Variants in UNC5D observed in about 807,000 individuals in gnomAD.
UNC5D encodes the protein unc-5 netrin receptor D.
UNC5D carries 39 observed loss-of-function variants against 105.4 expected under a neutral mutation model. That is an observed-to-expected ratio of 0.37 (90% CI 0.29 to 0.48). The LOEUF is 0.48. Ranked by LOEUF, UNC5D falls within the 20% of genes least tolerant of loss-of-function variation. The probability of loss-of-function intolerance (pLI) is 0.98; values close to 1 mark genes in which losing one functional copy is unlikely to be tolerated. For synonymous variants in UNC5D, 452 were observed against 450.4 expected (o/e 1.00, Z -0.04); for missense variants, 991 against 1,202.4 (o/e 0.82, Z 2.60).
intron 1 of UNC5D, among the ~76,000 whole-genome samples, chr8:35,515,143 T>G (rs1218260925): frequency 6.6e-6 from 1 of 152,232 alleles, no homozygotes; most frequent in Non-Finnish European, 1.5e-5. Flanking sequence ...GTTCTTCACC[T>G]TTATGTTGTA....
intron 4 of UNC5D, among the ~76,000 whole-genome samples, chr8:35,681,983 C>G (rs4739308): frequency 0.19 from 29,212 of 151,522 alleles, 6,956 homozygotes; most frequent in African/African-American, 0.56. Context: ...GGGGGAGGGG[C>G]GGACGGAGTC....
intron 10 of UNC5D, among the ~76,000 whole-genome samples, chr8:35,728,095 A>ATATATATATATATATATATATAT (rs1554596594): frequency 4.5e-5 from 5 of 110,352 alleles, no homozygotes; most frequent in Admixed American, 2.0e-4. Context: ...AAAAAAAAAA[A>ATATATATATATATATATATATAT]ATATATATAT....
intron 4 of UNC5D, among the ~76,000 whole-genome samples, chr8:35,620,042 T>C (rs1821263144): frequency 6.6e-6 from 1 of 152,166 alleles, no homozygotes; most frequent in East Asian, 1.9e-4. Flanking sequence ...TGCCCTTCCC[T>C]CATTCAGAAT....
intron 1 of UNC5D, among the ~76,000 whole-genome samples, chr8:35,390,060 G>T (rs1419952832): frequency 6.6e-6 from 1 of 152,134 alleles, no homozygotes; most frequent in African/African-American, 2.4e-5. Flanking sequence ...CAGCTTCTGG[G>T]GAGGCCTCGG....
chr8:35,316,705 C>A (rs891728894), intron 1 of UNC5D, among the ~76,000 whole-genome samples: 2 of 151,912 alleles, frequency 1.3e-5, no homozygotes, highest in Non-Finnish European at 2.9e-5. Flanking sequence ...CAGATTAAAT[C>A]GGGAGTATAA....
chr8:35,774,774 A>T (rs1802165415), intron 16 of UNC5D, among the ~76,000 whole-genome samples: 2 of 152,122 alleles, frequency 1.3e-5, no homozygotes, highest in South Asian at 4.1e-4. Flanking sequence ...TCCACAAAAA[A>T]TAATTAGCTG....
intron 1 of UNC5D, among the ~76,000 whole-genome samples, chr8:35,401,470 C>A (rs906200449): frequency 7.2e-5 from 11 of 152,192 alleles, no homozygotes; most frequent in African/African-American, 2.2e-4. Flanking sequence ...GACAACAGAG[C>A]AGGACTCCAT....
At chr8:35,554,195 T>C (rs555634639) in intron 2 of UNC5D, among the ~76,000 whole-genome samples, 1 of 152,346 alleles carries the variant, frequency 6.6e-6, no homozygotes, top group South Asian at 2.1e-4. Context: ...GCCTTTGGTC[T>C]TTCTGGTAAT....
chr8:35,248,832 T>G (rs1223155134), intron 1 of UNC5D, among the ~76,000 whole-genome samples: 1 of 91,744 alleles, frequency 1.1e-5, no homozygotes, highest in Non-Finnish European at 1.8e-5. Context: ...ATATTTATAT[T>G]TTAAAAATAT....
intron 4 of UNC5D, among the ~76,000 whole-genome samples, chr8:35,676,607 T>A (rs1825240030): frequency 6.6e-6 from 1 of 152,234 alleles, no homozygotes; most frequent in African/African-American, 2.4e-5. Flanking sequence ...TATTGTTAAA[T>A]AATTTCTGAA....
rs1806668361 is a variant in UNC5D at position 35,431,922 on chromosome 8, C to G, written c.104-117370C>G. Reference sequence around the variant, plus strand: ...GCAGAATGAGCCATTTGTTAAATGACAGAAACTAAACAATTTTCTTCATAA... The same window carrying G: ...GCAGAATGAGCCATTTGTTAAATGAGAGAAACTAAACAATTTTCTTCATAA... On this transcript the variant is annotated intron_variant, in intron 1 of 16. Coordinates refer to ENST00000404895, the MANE Select transcript of UNC5D (RefSeq NM_080872.4). 2.0e-5 allele frequency among the ~76,000 whole-genome samples: 3 copies of G among 151,996 alleles called. No homozygotes were observed. The South Asian group carries it at 6.2e-4, about 32-fold the overall frequency.
intron 1 of UNC5D, among the ~76,000 whole-genome samples, chr8:35,363,911 G>T (rs1389634829): frequency 6.6e-6 from 1 of 152,024 alleles, no homozygotes; most frequent in Non-Finnish European, 1.5e-5. Flanking sequence ...GGCTAGGCAT[G>T]GTGACTTACA....
At chr8:35,356,560 C>T (rs915416775) in intron 1 of UNC5D, among the ~76,000 whole-genome samples, 13 of 152,080 alleles carry the variant, frequency 8.5e-5, no homozygotes, top group Admixed American at 7.9e-4. Context: ...ATTTCTTTTT[C>T]CTTGAAAATT....
intron 10 of UNC5D, among the ~76,000 whole-genome samples, chr8:35,728,883 G>C (rs926688329): frequency 6.6e-6 from 1 of 152,142 alleles, no homozygotes; most frequent in South Asian, 2.1e-4. Context: ...TTAATCAGAG[G>C]TAACTGGCCA....
chr8:35,380,500 C>T (rs935130286), intron 1 of UNC5D, among the ~76,000 whole-genome samples: 1 of 152,054 alleles, frequency 6.6e-6, no homozygotes, highest in Non-Finnish European at 1.5e-5. Flanking sequence ...ATGATGTGCT[C>T]TCTAAGGCAT....
At chr8:35,713,452 A>ATAG (rs1828077949) in intron 8 of UNC5D, among the ~76,000 whole-genome samples, 1 of 152,232 alleles carries the variant, frequency 6.6e-6, no homozygotes, top group African/African-American at 2.4e-5. Context: ...TGGCAAAAGC[A>ATAG]TAGTTCTTTT....
At chr8:35,369,273 C>T (rs1017705333) in intron 1 of UNC5D, among the ~76,000 whole-genome samples, 1 of 152,082 alleles carries the variant, frequency 6.6e-6, no homozygotes, top group Non-Finnish European at 1.5e-5. Flanking sequence ...TACCATTTGT[C>T]CTTGCATCCT....
intron 1 of UNC5D, among the ~76,000 whole-genome samples, chr8:35,328,572 G>A (rs1810356770): frequency 6.6e-6 from 1 of 152,162 alleles, no homozygotes; most frequent in African/African-American, 2.4e-5. Flanking sequence ...CTTCAAACAT[G>A]TGTCTGTGGA....
In UNC5D at chr8:35,372,356, TCAAG is replaced by T. The variant is rs530366512; in HGVS notation, c.103+136473_103+136476del. 8.5e-5 allele frequency among the ~76,000 whole-genome samples: 13 copies of T among 152,224 alleles called. No individual in the cohort carries two copies. The South Asian group carries it at 2.5e-3, about 29-fold the overall frequency. On this transcript the variant is annotated intron_variant, in intron 1 of 16. Transcript: ENST00000404895. ...CCAGGTTGGTCTTGAACTCCTGAGTTCAAGCAATCCACCCACCTTGGCCTCCCAA... is the reference window on the plus strand; with the variant it reads ...CCAGGTTGGTCTTGAACTCCTGAGTTCAATCCACCCACCTTGGCCTCCCAA...
Sources: allele counts gnomAD v4.1 joint callset (sites outside exome capture counted in the v4.1 genomes callset), GRCh38; gene constraint gnomAD v4.1.1; transcripts MANE v1.5; gene names NCBI Gene and HGNC (gene_info 2026-07-23, HGNC 2026-07-21).